The following ZMYM4 variants were observed in gnomAD, a reference collection of about 807,000 sequenced individuals.
ZMYM4 encodes zinc finger MYM-type protein 4.
Under a neutral mutation model 183.2 loss-of-function variants are expected in ZMYM4, and 31 were observed. The observed-to-expected ratio is 0.17, with a 90% CI of 0.13 to 0.23. The LOEUF is 0.23. Ranked by LOEUF, ZMYM4 falls within the 10% of genes least tolerant of loss-of-function variation. The probability of loss-of-function intolerance (pLI) is 1.00; values close to 1 mark genes in which losing one functional copy is unlikely to be tolerated. For synonymous variants in ZMYM4, 592 were observed against 631.2 expected, an observed-to-expected ratio of 0.94 and a Z score of 0.93; for missense variants, 1,273 against 1,840.3, an observed-to-expected ratio of 0.69 and a Z score of 5.64.
At chr1:35,398,366 T>G (rs1479721636) in intron 20 of ZMYM4, 47 bp from the exon 21 acceptor site, 1 of 1,531,152 alleles carries the variant, frequency 6.5e-7, no homozygotes, top group African/African-American at 1.4e-5. Context: ...TGAGATATAA[T>G]TTGTTGTCTA....
rs1023628638 is a variant in ZMYM4 at position 35,350,037 on chromosome 1, A to G, written c.86-8888A>G. ...GGGTTCAGTGGCGCAGTCATAACTC[A>G]CTGCAGCCTTCAACTCCTAGGCTCA... On this transcript the variant is annotated intron_variant, in intron 2 of 29. Coordinates refer to ENST00000314607, the MANE Select transcript of ZMYM4 (RefSeq NM_005095.3). Among the ~76,000 whole-genome samples the G allele has an allele frequency of 1.2e-3, 175 of 151,430 alleles. 1 individual carries two copies. The highest frequency in any genetic ancestry group is 4.1e-3 in the African/African-American group (169 of 41,364).
chr1:35,355,452 GCT>G (rs1046887828), intron 2 of ZMYM4, among the ~76,000 whole-genome samples: 1 of 151,830 alleles, frequency 6.6e-6, no homozygotes, highest in African/African-American at 2.4e-5. Context: ...TTAGTATTTT[GCT>G]CTCTCTGAAA....
intron 2 of ZMYM4, among the ~76,000 whole-genome samples, chr1:35,346,933 A>G (rs1288923330): frequency 1.3e-5 from 2 of 152,186 alleles, no homozygotes; most frequent in Non-Finnish European, 2.9e-5. Context: ...TTAAAAATGT[A>G]AAATCATTCT....
intron 2 of ZMYM4, among the ~76,000 whole-genome samples, chr1:35,354,275 C>T (rs1282123950): frequency 6.6e-6 from 1 of 152,222 alleles, no homozygotes; most frequent in East Asian, 1.9e-4. Context: ...CTGCCTCATT[C>T]TCTTTAACAG....
chr1:35,304,311 A>G (rs1641426572), intron 1 of ZMYM4, among the ~76,000 whole-genome samples: 1 of 152,250 alleles, frequency 6.6e-6, no homozygotes, highest in African/African-American at 2.4e-5. Context: ...GGCGTGAGCC[A>G]CCGCGCCCGG....
intron 15 of ZMYM4, 84 bp downstream of exon 15, chr1:35,390,182 C>T: frequency 1.4e-6 from 2 of 1,389,872 alleles, no homozygotes; most frequent in South Asian, 1.7e-5. Flanking sequence ...ACTGTGTAAA[C>T]AGTTGTCATT....
chr1:35,340,755 C>T (rs986202218), intron 2 of ZMYM4, among the ~76,000 whole-genome samples: 2 of 152,208 alleles, frequency 1.3e-5, no homozygotes, highest in African/African-American at 4.8e-5. Flanking sequence ...TGAAGCTTTG[C>T]TTGCTTGTGG....
intron 1 of ZMYM4, among the ~76,000 whole-genome samples, chr1:35,317,862 C>T (rs1467009037): frequency 6.6e-6 from 1 of 151,720 alleles, no homozygotes; most frequent in Non-Finnish European, 1.5e-5. Context: ...AGATATGTCA[C>T]CTGAAGAATT....
At chr1:35,288,986 C>G (rs1390998853) in intron 1 of ZMYM4, among the ~76,000 whole-genome samples, 2 of 152,054 alleles carry the variant, frequency 1.3e-5, no homozygotes, top group Non-Finnish European at 2.9e-5. Context: ...ATATTTAGGA[C>G]ATGTGTCAGA....
chr1:35,282,584 C>T (rs1640227827), intron 1 of ZMYM4, among the ~76,000 whole-genome samples: 1 of 152,106 alleles, frequency 6.6e-6, no homozygotes. Flanking sequence ...GAGACAGGGT[C>T]TCACTTTGTT....
Position 35,421,952 on chromosome 1 carries a change from GTTC to G in ZMYM4, c.*2284_*2286del, listed in dbSNP as rs1275971286. 8.6e-5 allele frequency: 13 copies of G among 152,046 alleles called. No individual in the cohort carries two copies. Among genetic ancestry groups the G allele is most frequent in the Non-Finnish European group, 1.5e-4 (10 of 67,990 alleles). The allele number at this position is 152,046 out of a possible 1,614,324, so 9.4% of individuals were successfully genotyped here. Reference sequence around the variant, plus strand: ...TAGTATATTTGTATTTGATGGGTGAGTTCTTCTTCTTTACGTCTTAAAAGAATT... The same window carrying G: ...TAGTATATTTGTATTTGATGGGTGAGTTCTTCTTTACGTCTTAAAAGAATT... On this transcript the variant is annotated 3_prime_UTR_variant, in exon 30 of 30. Transcript: ENST00000314607.
chr1:35,358,900 T>C, intron 2 of ZMYM4, 25 bp from the exon 3 acceptor site: 1 of 1,590,070 alleles, frequency 6.3e-7, no homozygotes, highest in Non-Finnish European at 8.6e-7. Flanking sequence ...CTATCATTTG[T>C]CTAAACAGTA....
chr1:35,393,250 A>T (rs1049545801), intron 17 of ZMYM4, among the ~76,000 whole-genome samples: 1 of 152,170 alleles, frequency 6.6e-6, no homozygotes, highest in Non-Finnish European at 1.5e-5. Context: ...AGTTATCTTG[A>T]ATCTCTCAAG....
rs116994339 is a variant in ZMYM4, at chr1:35,369,794, G to A, written c.841-235G>A. On this transcript the variant is annotated intron_variant, in intron 5 of 29. Transcript: ENST00000314607. ...ATTTTTCAAAAATAATAAATACTTAGTGTCACAGACTAAGTAGATACTTTC... is the reference window on the plus strand; with the variant it reads ...ATTTTTCAAAAATAATAAATACTTAATGTCACAGACTAAGTAGATACTTTC... Among the ~76,000 whole-genome samples, 986 of 151,524 alleles carry A rather than the reference G, an allele frequency of 6.5e-3. 18 individuals carry two copies. The highest frequency in any genetic ancestry group is 0.035 in the Admixed American group (538 of 15,232).
At chr1:35,387,317 C>G (rs368176014) in intron 12 of ZMYM4, 39 bp downstream of exon 12, 1 of 1,597,360 alleles carries the variant, frequency 6.3e-7, no homozygotes, top group South Asian at 1.1e-5. Context: ...TTTGAGTATA[C>G]GTGGGTCTAT....
At chr1:35,275,250 C>CT (rs964744698) in intron 1 of ZMYM4, among the ~76,000 whole-genome samples, 14 of 150,558 alleles carry the variant, frequency 9.3e-5, no homozygotes, top group African/African-American at 1.5e-4. Context: ...TTTTTCTTTT[C>CT]TTTTTTTTTG....
chr1:35,354,065 C>G (rs1301060867), intron 2 of ZMYM4, among the ~76,000 whole-genome samples: 2 of 152,048 alleles, frequency 1.3e-5, no homozygotes, highest in African/African-American at 4.8e-5. Context: ...GGGAGGATCA[C>G]CTGAGCCCAG....
intron 7 of ZMYM4, among the ~76,000 whole-genome samples, chr1:35,377,682 G>A (rs1036889778): frequency 6.6e-6 from 1 of 152,188 alleles, no homozygotes; most frequent in Admixed American, 6.5e-5. Context: ...TAAAAATACT[G>A]CATTGCTAAC....
Position 35,381,596 on chromosome 1 carries a change from T to A in ZMYM4, c.1407T>A (p.Asp469Glu). The A allele has an allele frequency of 6.2e-7, 1 of 1,614,266 alleles. No individual in the cohort carries two copies. Among genetic ancestry groups the A allele is most frequent in the Non-Finnish European group, 8.5e-7 (1 of 1,180,050 alleles). The stretch of plus-strand genomic sequence containing the variant: ...ATGTGGTCCATAAACTTTGCAGTGA[T>A]GCCTGCTTCTCTAAGTTTCGTTCTG... ...YQNVVHKLCS[D>E]ACFSKFRSAN... The change falls in exon 9 of 30, where the codon GAT becomes GAA. Residue 469 changes from aspartate (D) to glutamate (E), a missense_variant. Physicochemically the swap from Asp to Glu is conservative, Grantham distance 45. Coordinates refer to ENST00000314607, the MANE Select transcript of ZMYM4 (RefSeq NM_005095.3).
Sources: gnomAD v4.1 joint callset for allele counts (sites outside exome capture counted in the v4.1 genomes callset) on GRCh38, gnomAD v4.1.1 for gene constraint, MANE v1.5 for transcripts, NCBI Gene and HGNC (gene_info 2026-07-23, HGNC 2026-07-21) for gene names.